TSHR: variants seen among roughly 807,000 people sequenced by gnomAD.
TSHR encodes the protein thyroid stimulating hormone receptor, also known as thyrotropin receptor.
TSHR carries 51 observed loss-of-function variants against 64.1 expected under a neutral mutation model. The observed-to-expected ratio is 0.80, with a 90% CI of 0.64 to 1.01. The LOEUF (loss-of-function observed/expected upper bound fraction) is 1.01. Among genes scored for constraint, TSHR ranks in the 50% least tolerant of loss-of-function variants. The pLI, the probability that TSHR is intolerant of heterozygous loss-of-function variation, is 0.00. For missense variants in TSHR, 877 were observed against 942.8 expected (o/e 0.93, Z 0.91); for synonymous variants, 361 against 361.9 (o/e 1.00, Z 0.03).
At chr14:81,063,651 C>T (rs1886397538) in intron 2 of TSHR, among the ~76,000 whole-genome samples, 1 of 152,134 alleles carries the variant, frequency 6.6e-6, no homozygotes, top group South Asian at 2.1e-4. Context: ...TTCATTCATT[C>T]AACAGATATT....
intron 8 of TSHR, among the ~76,000 whole-genome samples, chr14:81,118,841 T>C (rs1890651991): frequency 6.6e-6 from 1 of 150,482 alleles, no homozygotes; most frequent in Non-Finnish European, 1.5e-5. Flanking sequence ...TATAGATCAA[T>C]GGAACAGAAC....
chr14:81,005,459 A>T (rs1889554854), intron 1 of TSHR, among the ~76,000 whole-genome samples: 1 of 152,120 alleles, frequency 6.6e-6, no homozygotes, highest in Non-Finnish European at 1.5e-5. Context: ...TGCACTCCCC[A>T]GTATATTACC....
At chr14:80,969,382 G>C (rs1887483435) in intron 1 of TSHR, among the ~76,000 whole-genome samples, 1 of 152,178 alleles carries the variant, frequency 6.6e-6, no homozygotes, top group Non-Finnish European at 1.5e-5. Flanking sequence ...CCCTTAAATG[G>C]TGGTGCCGGT....
At chr14:81,016,643 T>C (rs1419739064) in intron 1 of TSHR, among the ~76,000 whole-genome samples, 1 of 152,204 alleles carries the variant, frequency 6.6e-6, no homozygotes, top group Non-Finnish European at 1.5e-5. Flanking sequence ...TTTTGTTTGC[T>C]TCCTTTTATT....
chr14:81,137,179 G>A (rs1341705562), intron 8 of TSHR, among the ~76,000 whole-genome samples: 1 of 152,158 alleles, frequency 6.6e-6, no homozygotes, highest in Non-Finnish European at 1.5e-5. Context: ...AATTCATTTG[G>A]TCTGGAATGT....
intron 1 of TSHR, among the ~76,000 whole-genome samples, chr14:81,043,511 C>T (rs944624237): frequency 2.0e-5 from 3 of 152,120 alleles, no homozygotes; most frequent in African/African-American, 7.2e-5. Context: ...TCATACTGCC[C>T]AAAGTAATTT....
At chr14:81,041,417 T>C (rs985036149) in intron 1 of TSHR, among the ~76,000 whole-genome samples, 2 of 151,954 alleles carry the variant, frequency 1.3e-5, no homozygotes, top group Non-Finnish European at 2.9e-5. Context: ...CAAATGCAGG[T>C]ACAGAAAACC....
intron 1 of TSHR, among the ~76,000 whole-genome samples, chr14:81,060,667 T>C (rs1299552239): frequency 6.6e-6 from 1 of 152,142 alleles, no homozygotes; most frequent in East Asian, 1.9e-4. Flanking sequence ...AGGAAATATA[T>C]TGTTGAAAAG....
At chr14:81,014,616 T>C (rs533104661) in intron 1 of TSHR, among the ~76,000 whole-genome samples, 1 of 152,284 alleles carries the variant, frequency 6.6e-6, no homozygotes, top group South Asian at 2.1e-4. Context: ...CTCTTTAACA[T>C]GCCTTGTTTG....
At chr14:81,089,306 A>G (rs1888543193) in intron 4 of TSHR, among the ~76,000 whole-genome samples, 2 of 152,152 alleles carry the variant, frequency 1.3e-5, no homozygotes, top group African/African-American at 4.8e-5. Flanking sequence ...TATATTGAAG[A>G]GGTGGGTGTG....
At chr14:81,059,979 A>T (rs1307009931) in intron 1 of TSHR, among the ~76,000 whole-genome samples, 1 of 152,152 alleles carries the variant, frequency 6.6e-6, no homozygotes, top group Admixed American at 6.6e-5. Flanking sequence ...ACATTATTTG[A>T]ACCTTTAGCC....
At chr14:81,033,659 A>C (rs1300442296) in intron 1 of TSHR, among the ~76,000 whole-genome samples, 1 of 151,234 alleles carries the variant, frequency 6.6e-6, no homozygotes, top group Non-Finnish European at 1.5e-5. Context: ...TTTATCTTTA[A>C]ACCAAGAGCT....
chr14:80,983,084 G>T, intron 1 of TSHR: 1 of 626,348 alleles, frequency 1.6e-6, no homozygotes, highest in South Asian at 2.4e-5. Context: ...ATGGTATAAT[G>T]ATGCTTATTG....
At chr14:81,088,956 G>A (rs1321753875) in intron 4 of TSHR, among the ~76,000 whole-genome samples, 3 of 150,658 alleles carry the variant, frequency 2.0e-5, no homozygotes, top group Non-Finnish European at 2.9e-5. Context: ...AGGGAACCAC[G>A]CAGCTTCTTT....
At chr14:81,135,856 A>G (rs1891435084) in intron 8 of TSHR, among the ~76,000 whole-genome samples, 1 of 152,194 alleles carries the variant, frequency 6.6e-6, no homozygotes, top group South Asian at 2.1e-4. Flanking sequence ...AAAACTGCAG[A>G]TCACTGCAAG....
intron 1 of TSHR, among the ~76,000 whole-genome samples, chr14:81,038,654 T>C (rs1335710228): frequency 6.6e-6 from 1 of 150,642 alleles, no homozygotes; most frequent in Admixed American, 6.6e-5. Flanking sequence ...GAAGCCATTA[T>C]ACCTGATACC....
chr14:80,957,859 T>G (rs1038923366), intron 1 of TSHR: 1 of 152,172 alleles, frequency 6.6e-6, no homozygotes, highest in Admixed American at 6.5e-5. Context: ...ATGATGCTGA[T>G]GAGAATAGTC....
intron 9 of TSHR, among the ~76,000 whole-genome samples, chr14:81,140,805 C>G (rs1891651482): frequency 1.3e-5 from 2 of 152,146 alleles, no homozygotes; most frequent in Non-Finnish European, 2.9e-5. Context: ...AGGGCAGAAG[C>G]TAAAACAGCC....
intron 2 of TSHR, among the ~76,000 whole-genome samples, chr14:81,065,600 G>C (rs577212639): frequency 6.6e-6 from 1 of 151,968 alleles, no homozygotes; most frequent in East Asian, 1.9e-4. Context: ...AAGTGATAGG[G>C]GTCCCTGAAC....
Sources: gnomAD v4.1 joint callset for allele counts (sites outside exome capture counted in the v4.1 genomes callset) on GRCh38, gnomAD v4.1.1 for gene constraint, MANE v1.5 for transcripts, NCBI Gene and HGNC (gene_info 2026-07-23, HGNC 2026-07-21) for gene names.